ST6GALNAC3: variants seen among roughly 807,000 people sequenced by gnomAD.
The protein encoded by ST6GALNAC3 is alpha-N-acetylgalactosaminide alpha-2,6-sialyltransferase 3.
In ST6GALNAC3, 25 loss-of-function variants were observed where a neutral mutation model predicts 32.7. The ratio of observed to expected loss-of-function variants is 0.76; its 90% CI spans 0.56 to 1.07. ST6GALNAC3 has a LOEUF of 1.07. Among genes scored for constraint, ST6GALNAC3 ranks in the 50% least tolerant of loss-of-function variants. The pLI is 0.00. For missense variants in ST6GALNAC3, 355 were observed against 382.4 expected (o/e 0.93, Z 0.60); for synonymous variants, 129 against 133.1 (o/e 0.97, Z 0.21).
At chr1:76,305,682 G>A (rs910739498) in intron 1 of ST6GALNAC3, among the ~76,000 whole-genome samples, 11 of 152,156 alleles carry the variant, frequency 7.2e-5, no homozygotes, top group East Asian at 3.9e-4. Context: ...CTTTCAGATC[G>A]GCCTTTTTTC....
chr1:76,435,913 G>T (rs1656108242), intron 3 of ST6GALNAC3, among the ~76,000 whole-genome samples: 1 of 150,970 alleles, frequency 6.6e-6, no homozygotes, highest in Non-Finnish European at 1.5e-5. Context: ...GGTGGTATTT[G>T]GTGACATGAG....
chr1:76,357,871 G>A (rs1443481928), intron 2 of ST6GALNAC3, among the ~76,000 whole-genome samples: 1 of 152,064 alleles, frequency 6.6e-6, no homozygotes, highest in Non-Finnish European at 1.5e-5. Flanking sequence ...TCCTAGAAAT[G>A]GTAAAATGTC....
chr1:76,487,519 G>A (rs4644536), intron 3 of ST6GALNAC3, among the ~76,000 whole-genome samples: 9,632 of 152,036 alleles, frequency 0.063, 470 homozygotes, highest in African/African-American at 0.13. Context: ...TGATCGAATC[G>A]GCTACTGAAG....
At chr1:76,440,195 T>A (rs1035018323) in intron 3 of ST6GALNAC3, among the ~76,000 whole-genome samples, 3 of 152,222 alleles carry the variant, frequency 2.0e-5, no homozygotes, top group African/African-American at 7.2e-5. Context: ...TGAAGTGTGC[T>A]GAAGGAGTTC....
chr1:76,108,439 A>AC (rs1316264037), intron 1 of ST6GALNAC3, among the ~76,000 whole-genome samples: 3 of 152,266 alleles, frequency 2.0e-5, no homozygotes, highest in Non-Finnish European at 2.9e-5. Flanking sequence ...TTGGTGCACT[A>AC]CCTTTCTTGT....
intron 1 of ST6GALNAC3, among the ~76,000 whole-genome samples, chr1:76,168,350 T>C (rs1440141622): frequency 1.3e-5 from 2 of 152,140 alleles, no homozygotes; most frequent in Admixed American, 6.6e-5. Context: ...GTCTGAGAGA[T>C]TGTTATGATT....
chr1:76,516,037 A>C (rs1316892152), intron 3 of ST6GALNAC3, among the ~76,000 whole-genome samples: 1 of 152,170 alleles, frequency 6.6e-6, no homozygotes, highest in Non-Finnish European at 1.5e-5. Context: ...ATTGCTGTCT[A>C]TCTCTCCCTT....
At position 76,206,346 on chromosome 1, in the gene ST6GALNAC3, A is replaced by G. The variant is rs17098350; in HGVS notation, c.19-107459A>G. The stretch of plus-strand genomic sequence containing the variant: ...GGTGCGGAAAGAGTGTGACCATTAG[A>G]GTTAGTTCTGGATTCAAATCCCAAC... On this transcript the variant is annotated intron_variant, in intron 1 of 4. Coordinates refer to ENST00000328299, the MANE Select transcript of ST6GALNAC3 (RefSeq NM_152996.4). 8.1e-3 allele frequency among the ~76,000 whole-genome samples: 1,225 copies of G among 151,958 alleles called. 21 individuals are homozygous for G. Among genetic ancestry groups the G allele is most frequent in the African/African-American group, 0.028 (1,161 of 41,412 alleles).
chr1:76,132,298 T>C (rs1471401605), intron 1 of ST6GALNAC3, among the ~76,000 whole-genome samples: 1 of 152,144 alleles, frequency 6.6e-6, no homozygotes, highest in Non-Finnish European at 1.5e-5. Context: ...TTCCTCACTA[T>C]CTGAGCTGGG....
chr1:76,096,367 G>A (rs1041594319), intron 1 of ST6GALNAC3, among the ~76,000 whole-genome samples: 1 of 152,140 alleles, frequency 6.6e-6, no homozygotes, highest in South Asian at 2.1e-4. Flanking sequence ...CTTTTCAGCA[G>A]CTTATTGCAT....
intron 3 of ST6GALNAC3, among the ~76,000 whole-genome samples, chr1:76,535,971 C>A (rs996277564): frequency 9.2e-5 from 14 of 152,138 alleles, no homozygotes; most frequent in Admixed American, 4.6e-4. Flanking sequence ...TCTTCTTGGG[C>A]AAAAGAAATC....
chr1:76,416,175 T>C (rs1654612226), intron 3 of ST6GALNAC3, among the ~76,000 whole-genome samples: 4 of 152,134 alleles, frequency 2.6e-5, no homozygotes, highest in Non-Finnish European at 4.4e-5. Context: ...GGCAAACATT[T>C]ATGTGGATCT....
chr1:76,278,666 A>G (rs1659324659), intron 1 of ST6GALNAC3, among the ~76,000 whole-genome samples: 1 of 152,030 alleles, frequency 6.6e-6, no homozygotes, highest in Non-Finnish European at 1.5e-5. Flanking sequence ...TAAACAGAAA[A>G]TGTTGCAATT....
At chr1:76,539,565 C>T (rs1663852948) in intron 3 of ST6GALNAC3, among the ~76,000 whole-genome samples, 1 of 152,110 alleles carries the variant, frequency 6.6e-6, no homozygotes, top group South Asian at 2.1e-4. Context: ...AAACTATTGT[C>T]AGCGTGAACA....
At chr1:76,462,518 C>A (rs979347088) in intron 3 of ST6GALNAC3, among the ~76,000 whole-genome samples, 26 of 134,924 alleles carry the variant, frequency 1.9e-4, no homozygotes, top group African/African-American at 7.2e-4. Flanking sequence ...TTGAGGGTGG[C>A]AGCCAGCATT....
At chr1:76,164,442 C>T (rs1250000175) in intron 1 of ST6GALNAC3, among the ~76,000 whole-genome samples, 1 of 152,152 alleles carries the variant, frequency 6.6e-6, no homozygotes, top group Non-Finnish European at 1.5e-5. Flanking sequence ...AAAATCATGG[C>T]AGCTTTTGAG....
intron 2 of ST6GALNAC3, among the ~76,000 whole-genome samples, chr1:76,321,402 C>T (rs1055010184): frequency 2.6e-5 from 4 of 152,078 alleles, no homozygotes; most frequent in African/African-American, 9.7e-5. Flanking sequence ...AGGCAGCCTC[C>T]CCTCCCATCC....
chr1:76,386,827 G>A lies in ST6GALNAC3; in HGVS notation c.214-25181G>A, dbSNP rs796641019. Among the ~76,000 whole-genome samples, 7 of 152,202 alleles carry A rather than the reference G, an allele frequency of 4.6e-5. 1 individual carries two copies. The highest frequency in any genetic ancestry group is 1.7e-4 in the African/African-American group (7 of 41,524). On this transcript the variant is annotated intron_variant, in intron 2 of 4. Coordinates refer to ENST00000328299, the MANE Select transcript of ST6GALNAC3 (RefSeq NM_152996.4). ...AAGAGGAGTATTATCCAAATTACCA[G>A]CAAAAGAAAATCTTATCTTTTCAGA...
At chr1:76,470,082 G>C (rs1053476337) in intron 3 of ST6GALNAC3, among the ~76,000 whole-genome samples, 2 of 152,046 alleles carry the variant, frequency 1.3e-5, no homozygotes, top group African/African-American at 4.8e-5. Context: ...AATGGTGAAA[G>C]TTTACTTTCT....
Sources: gnomAD v4.1 joint callset for allele counts (sites outside exome capture counted in the v4.1 genomes callset) on GRCh38, gnomAD v4.1.1 for gene constraint, MANE v1.5 for transcripts, NCBI Gene and HGNC (gene_info 2026-07-23, HGNC 2026-07-21) for gene names.